Variants in SEMA3E observed in about 807,000 individuals in gnomAD.
SEMA3E encodes the protein semaphorin 3E.
Under a neutral mutation model 93.6 loss-of-function variants are expected in SEMA3E, and 49 were observed. The observed-to-expected ratio is 0.52, with a 90% CI of 0.42 to 0.66. The LOEUF is 0.66. Ranked by LOEUF, SEMA3E falls within the 30% of genes least tolerant of loss-of-function variation. The pLI, the probability that SEMA3E is intolerant of heterozygous loss-of-function variation, is 0.00. For synonymous variants in SEMA3E, 363 were observed against 330.7 expected (o/e 1.10, Z -1.06); for missense variants, 906 against 964.8 (o/e 0.94, Z 0.81).
rs774399575 is a variant in SEMA3E at position 83,367,988 on chromosome 7, T to A, written c.1926A>T (p.Leu642=). ...VVKMDLGLLF[L]RLHKSDAGTY... Reference sequence around the variant, plus strand: ...TCCCAGCATCTGATTTGTGTAACCTTAGGAAGAGTAAACCAAGGTCCATCT... The same window carrying A: ...TCCCAGCATCTGATTTGTGTAACCTAAGGAAGAGTAAACCAAGGTCCATCT... The change falls in exon 17 of 17, where the codon CTA becomes CTT. Residue 642 remains leucine (L), a synonymous_variant. Transcript: ENST00000643230. The A allele has an allele frequency of 1.9e-6, 3 of 1,613,984 alleles. No individual in the cohort carries two copies. The South Asian group carries it at 3.3e-5, about 18-fold the overall frequency.
intron 4 of SEMA3E, among the ~76,000 whole-genome samples, chr7:83,451,840 A>G (rs1297599137): frequency 1.3e-5 from 2 of 152,218 alleles, no homozygotes; most frequent in African/African-American, 2.4e-5. Flanking sequence ...AACAAAGCAC[A>G]TCTGTGAGCT....
intron 1 of SEMA3E, among the ~76,000 whole-genome samples, chr7:83,622,136 T>C (rs1042717391): frequency 2.0e-5 from 3 of 151,548 alleles, no homozygotes; most frequent in African/African-American, 7.3e-5. Flanking sequence ...CTTAAACAAA[T>C]TTACAAGAAA....
chr7:83,557,091 A>G (rs912201324), intron 1 of SEMA3E, among the ~76,000 whole-genome samples: 12 of 152,168 alleles, frequency 7.9e-5, no homozygotes, highest in African/African-American at 2.9e-4. Flanking sequence ...TAAGACATTT[A>G]CAGAGTTTAT....
intron 5 of SEMA3E, 138 bp downstream of exon 5, chr7:83,418,252 T>G: frequency 1.4e-6 from 1 of 707,688 alleles, no homozygotes; most frequent in Non-Finnish European, 2.5e-6. Context: ...AAATTTAATA[T>G]CATTGCTTCG....
intron 16 of SEMA3E, 25 bp from the exon 17 acceptor site, chr7:83,368,063 C>G: frequency 2.5e-6 from 4 of 1,589,874 alleles, no homozygotes; most frequent in Non-Finnish European, 3.4e-6. Context: ...AAGTAAATGG[C>G]ACTGAAGTAC....
rs148334803 is a variant in SEMA3E at position 83,492,727 on chromosome 7, T to TACAC, written c.116-2457_116-2454dup. Among the ~76,000 whole-genome samples, 550 of 150,582 alleles carry TACAC rather than the reference T, an allele frequency of 3.7e-3. 2 individuals are homozygous for TACAC. Among genetic ancestry groups the TACAC allele is most frequent in the Middle Eastern group, 0.017 (5 of 288 alleles). Reference sequence around the variant, plus strand: ...CTTTATGTTTATTTATATATATATGTACACACACACACACACATATACTTT... The same window carrying TACAC: ...CTTTATGTTTATTTATATATATATGTACACACACACACACACACACATATACTTT... On this transcript the variant is annotated intron_variant, in intron 1 of 16. Coordinates refer to ENST00000643230, the MANE Select transcript of SEMA3E (RefSeq NM_012431.3).
At chr7:83,527,289 T>C (rs1791181666) in intron 1 of SEMA3E, among the ~76,000 whole-genome samples, 1 of 152,160 alleles carries the variant, frequency 6.6e-6, no homozygotes, top group Non-Finnish European at 1.5e-5. Flanking sequence ...AAATTAAATT[T>C]CTGTTGCTTA....
chr7:83,617,445 A>C, intron 1 of SEMA3E, among the ~76,000 whole-genome samples: 1 of 122,032 alleles, frequency 8.2e-6, no homozygotes, highest in Middle Eastern at 4.4e-3. Flanking sequence ...ATTTTATATA[A>C]ATTTTATATA....
At chr7:83,463,093 C>T (rs1375813428) in intron 4 of SEMA3E, among the ~76,000 whole-genome samples, 9 of 150,336 alleles carry the variant, frequency 6.0e-5, no homozygotes, top group Non-Finnish European at 1.3e-4. Context: ...TTACCTATCT[C>T]GGCATAATTC....
intron 1 of SEMA3E, among the ~76,000 whole-genome samples, chr7:83,552,429 C>T (rs1295324271): frequency 6.6e-6 from 1 of 152,046 alleles, no homozygotes; most frequent in Admixed American, 6.6e-5. Flanking sequence ...AATATGAAAT[C>T]AGTGCACCTT....
chr7:83,379,914 T>G (rs1396361185), intron 16 of SEMA3E, among the ~76,000 whole-genome samples: 1 of 151,836 alleles, frequency 6.6e-6, no homozygotes, highest in Non-Finnish European at 1.5e-5. Flanking sequence ...TTTTATTAAT[T>G]CCCCTGAAAT....
intron 4 of SEMA3E, among the ~76,000 whole-genome samples, chr7:83,427,572 T>C (rs1300068054): frequency 1.3e-5 from 2 of 152,218 alleles, no homozygotes; most frequent in East Asian, 3.8e-4. Flanking sequence ...TTTATTTATT[T>C]GCTTTGCATA....
intron 4 of SEMA3E, among the ~76,000 whole-genome samples, chr7:83,465,496 C>T (rs1340361108): frequency 6.6e-6 from 1 of 152,112 alleles, no homozygotes; most frequent in Non-Finnish European, 1.5e-5. Context: ...TATATTTGCA[C>T]CTGAGGGTTA....
Position 83,385,789 on chromosome 7 carries a change from G to A in SEMA3E, c.1736-356C>T, listed in dbSNP as rs143363991. On this transcript the variant is annotated intron_variant, in intron 15 of 16. Transcript: ENST00000643230. The stretch of plus-strand genomic sequence containing the variant: ...ACCAAAGCACAGGACAAAATTCGTG[G>A]ATACAAACAAAAGCAGACACCAGAA... Among the ~76,000 whole-genome samples, 61 of 152,198 alleles carry A rather than the reference G, an allele frequency of 4.0e-4. 1 individual carries two copies. The East Asian group carries it at 7.5e-3, about 19-fold the overall frequency.
rs1195536805 is a variant in SEMA3E at position 83,387,020 on chromosome 7, T to C, written c.1698A>G (p.Gly566=). ...GTCCAAAGCACTGCTGAGCTGCATT[T>C]CCATGTCGAACATCTTGTCTCCGGA... ...RRFRRQDVRH[G]NAAQQCFGQQ... Residue 566 remains glycine (G), a synonymous_variant, in exon 15 of 17, where the codon GGA becomes GGG. Coordinates refer to ENST00000643230, the MANE Select transcript of SEMA3E (RefSeq NM_012431.3). 1.2e-6 allele frequency: 2 copies of C among 1,613,286 alleles called. No individual in the cohort carries two copies. Among genetic ancestry groups the C allele is most frequent in the African/African-American group, 1.3e-5 (1 of 74,898 alleles).
intron 1 of SEMA3E, among the ~76,000 whole-genome samples, chr7:83,506,131 T>C: frequency 6.6e-6 from 1 of 151,700 alleles, no homozygotes. Flanking sequence ...TTTATTCTTA[T>C]TGATCTGTTT....
intron 6 of SEMA3E, among the ~76,000 whole-genome samples, chr7:83,407,765 T>C (rs1184659530): frequency 6.6e-6 from 1 of 152,172 alleles, no homozygotes; most frequent in Non-Finnish European, 1.5e-5. Flanking sequence ...TTTGAATAAA[T>C]GTTCTTTGAT....
chr7:83,637,357 C>T (rs941807802), intron 1 of SEMA3E, among the ~76,000 whole-genome samples: 5 of 152,024 alleles, frequency 3.3e-5, no homozygotes, highest in African/African-American at 4.8e-5. Flanking sequence ...ATGCTCAGTA[C>T]CTAAAGCATT....
At chr7:83,575,133 G>A (rs963545633) in intron 1 of SEMA3E, among the ~76,000 whole-genome samples, 3 of 151,896 alleles carry the variant, frequency 2.0e-5, no homozygotes, top group African/African-American at 7.3e-5. Flanking sequence ...AGTTTAATAA[G>A]TTCAATTCAT....
Sources: allele counts gnomAD v4.1 joint callset (sites outside exome capture counted in the v4.1 genomes callset), GRCh38; gene constraint gnomAD v4.1.1; transcripts MANE v1.5; gene names NCBI Gene and HGNC (gene_info 2026-07-23, HGNC 2026-07-21).